Variants in RBMS3 observed in about 807,000 individuals in gnomAD.
RBMS3 encodes RNA binding motif single stranded interacting protein 3.
RBMS3 carries 27 observed loss-of-function variants against 66.8 expected under a neutral mutation model. The ratio of observed to expected loss-of-function variants is 0.40; its 90% CI spans 0.30 to 0.56. The LOEUF (loss-of-function observed/expected upper bound fraction) is 0.56, where lower values mean the gene tolerates loss of function less well. Ranked by LOEUF, RBMS3 falls within the 20% of genes least tolerant of loss-of-function variation. RBMS3 has a pLI of 0.40. For missense variants in RBMS3, 513 were observed against 549.5 expected (o/e 0.93, Z 0.66); for synonymous variants, 188 against 183.0 (o/e 1.03, Z -0.22).
At chr3:29,697,743 G>C (rs1210065882) in intron 4 of RBMS3, among the ~76,000 whole-genome samples, 1 of 152,112 alleles carries the variant, frequency 6.6e-6, no homozygotes, top group African/African-American at 2.4e-5. Context: ...TACACTATTT[G>C]AAAGTAATTT....
intron 2 of RBMS3, among the ~76,000 whole-genome samples, chr3:29,436,505 T>C (rs914151655): frequency 6.6e-6 from 1 of 152,184 alleles, no homozygotes; most frequent in Non-Finnish European, 1.5e-5. Flanking sequence ...CCATAGAATA[T>C]TGAGGTTGAG....
chr3:29,968,649 G>C (rs1395631645), intron 12 of RBMS3, among the ~76,000 whole-genome samples: 1 of 143,142 alleles, frequency 7.0e-6, no homozygotes, highest in South Asian at 2.2e-4. Context: ...GCTCAGGAGA[G>C]GAGGGTGTCC....
chr3:29,907,971 G>A (rs998529182), intron 10 of RBMS3, among the ~76,000 whole-genome samples: 3 of 151,990 alleles, frequency 2.0e-5, no homozygotes, highest in African/African-American at 7.2e-5. Flanking sequence ...AGGTTGGCCC[G>A]GTGTGGTGAC....
chr3:29,362,362 G>C (rs1003851975), intron 1 of RBMS3, among the ~76,000 whole-genome samples: 1 of 152,214 alleles, frequency 6.6e-6, no homozygotes, highest in Non-Finnish European at 1.5e-5. Context: ...GCAGAACAGC[G>C]AATATTGCTG....
chr3:29,814,359 G>T (rs1221680997), intron 6 of RBMS3, among the ~76,000 whole-genome samples: 3 of 152,178 alleles, frequency 2.0e-5, no homozygotes, highest in African/African-American at 7.2e-5. Flanking sequence ...TAAGCCTTTT[G>T]ATGTGCTGCT....
At chr3:29,757,607 G>C (rs1317434061) in intron 5 of RBMS3, among the ~76,000 whole-genome samples, 1 of 152,128 alleles carries the variant, frequency 6.6e-6, no homozygotes, top group African/African-American at 2.4e-5. Flanking sequence ...GAATCTCCTG[G>C]GCTGGGCCCC....
At chr3:29,637,294 C>T (rs185448186) in intron 4 of RBMS3, among the ~76,000 whole-genome samples, 1 of 151,806 alleles carries the variant, frequency 6.6e-6, no homozygotes, top group East Asian at 1.9e-4. Flanking sequence ...TTTTAGGTTG[C>T]CATAGGCAGA....
chr3:29,891,604 A>G (rs572035194), intron 8 of RBMS3, among the ~76,000 whole-genome samples: 1 of 151,510 alleles, frequency 6.6e-6, no homozygotes, highest in Non-Finnish European at 1.5e-5. Context: ...CCCATATTCA[A>G]AATCTCATCT....
intron 1 of RBMS3, among the ~76,000 whole-genome samples, chr3:29,341,235 A>G (rs1253960715): frequency 6.6e-6 from 1 of 152,156 alleles, no homozygotes; most frequent in Non-Finnish European, 1.5e-5. Context: ...TGGTAATTGC[A>G]TACAAAATTA....
At chr3:29,519,161 C>T (rs1482494293) in intron 3 of RBMS3, among the ~76,000 whole-genome samples, 1 of 152,184 alleles carries the variant, frequency 6.6e-6, no homozygotes. Flanking sequence ...GTCCATGTTT[C>T]AAGCCCCATA....
intron 4 of RBMS3, among the ~76,000 whole-genome samples, chr3:29,656,060 A>G (rs1253736489): frequency 1.3e-5 from 2 of 152,210 alleles, no homozygotes; most frequent in Non-Finnish European, 1.5e-5. Flanking sequence ...GTAGGTTATT[A>G]TAACAGTCAA....
At chr3:29,330,118 G>A (rs1160157325) in intron 1 of RBMS3, among the ~76,000 whole-genome samples, 17 of 151,996 alleles carry the variant, frequency 1.1e-4, no homozygotes, top group Admixed American at 1.1e-3. Context: ...GTACCACATA[G>A]ACATCAGACA....
At chr3:29,929,787 T>C (rs2061059304) in intron 10 of RBMS3, among the ~76,000 whole-genome samples, 1 of 152,136 alleles carries the variant, frequency 6.6e-6, no homozygotes, top group African/African-American at 2.4e-5. Context: ...CTAAACATTA[T>C]ACCCCTAGCC....
intron 1 of RBMS3, among the ~76,000 whole-genome samples, chr3:29,326,322 A>T (rs914847596): frequency 1.3e-5 from 2 of 152,104 alleles, no homozygotes; most frequent in African/African-American, 4.8e-5. Flanking sequence ...TCCCCAAATT[A>T]TGATCCCCAA....
At chr3:29,298,346 A>C (rs2033430857) in intron 1 of RBMS3, among the ~76,000 whole-genome samples, 1 of 151,892 alleles carries the variant, frequency 6.6e-6, no homozygotes, top group Non-Finnish European at 1.5e-5. Context: ...CTGCCCTCAG[A>C]TCTTACAACA....
At position 29,518,124 on chromosome 3, in the gene RBMS3, G is replaced by C. The variant is rs149430437; in HGVS notation, c.307+29625G>C. Among the ~76,000 whole-genome samples, 733 of 152,142 alleles carry C rather than the reference G, an allele frequency of 4.8e-3. 10 individuals carry two copies. The highest frequency in any genetic ancestry group is 0.017 in the African/African-American group (711 of 41,498). On this transcript the variant is annotated intron_variant, in intron 3 of 14. Transcript: ENST00000383767. Reference sequence around the variant, plus strand: ...CAGGGCATTCATTCACATGCACATGGGTATATACTGAGTGACCATTAGGTG... The same window carrying C: ...CAGGGCATTCATTCACATGCACATGCGTATATACTGAGTGACCATTAGGTG...
chr3:29,997,017 C>A (rs1389104779), intron 14 of RBMS3, among the ~76,000 whole-genome samples: 2 of 151,600 alleles, frequency 1.3e-5, no homozygotes, highest in Admixed American at 1.3e-4. Flanking sequence ...TGATAGACCG[C>A]TAGCAAGACT....
intron 6 of RBMS3, among the ~76,000 whole-genome samples, chr3:29,819,705 A>C (rs2058022402): frequency 6.6e-6 from 1 of 152,166 alleles, no homozygotes; most frequent in Admixed American, 6.6e-5. Context: ...GTATATATGC[A>C]AAAGATTCTC....
chr3:29,968,880 G>A (rs1293157970), intron 12 of RBMS3, among the ~76,000 whole-genome samples: 1 of 135,012 alleles, frequency 7.4e-6, no homozygotes, highest in Non-Finnish European at 1.6e-5. Flanking sequence ...ATACCTGAAT[G>A]CGTTAACATT....
Sources: gnomAD v4.1 joint callset for allele counts (sites outside exome capture counted in the v4.1 genomes callset) on GRCh38, gnomAD v4.1.1 for gene constraint, MANE v1.5 for transcripts, NCBI Gene and HGNC (gene_info 2026-07-23, HGNC 2026-07-21) for gene names.